The following CCDC186 variants were observed in gnomAD, a reference collection of about 807,000 sequenced individuals.
CCDC186 encodes coiled-coil domain containing 186.
In CCDC186, 49 loss-of-function variants were observed where a neutral mutation model predicts 113.7. The ratio of observed to expected loss-of-function variants is 0.43; its 90% CI spans 0.34 to 0.55. The LOEUF (loss-of-function observed/expected upper bound fraction) is 0.55. Among genes scored for constraint, CCDC186 ranks in the 20% least tolerant of loss-of-function variants. The pLI, the probability that CCDC186 is intolerant of heterozygous loss-of-function variation, is 0.02. For synonymous variants in CCDC186, 355 were observed against 345.8 expected (o/e 1.03, Z -0.30); for missense variants, 890 against 1,011.1 (o/e 0.88, Z 1.62).
chr10:114,144,126 AT>A (rs1328701238), intron 6 of CCDC186, among the ~76,000 whole-genome samples: 1 of 152,034 alleles, frequency 6.6e-6, no homozygotes, highest in Non-Finnish European at 1.5e-5. Flanking sequence ...TTACATTCAA[AT>A]TTGGAAACTT....
chr10:114,143,790 A>T (rs1267217032), intron 6 of CCDC186, among the ~76,000 whole-genome samples: 1 of 152,216 alleles, frequency 6.6e-6, no homozygotes, highest in African/African-American at 2.4e-5. Flanking sequence ...GAAAACCTGG[A>T]AACTGATATT....
intron 6 of CCDC186, among the ~76,000 whole-genome samples, chr10:114,141,628 A>C (rs753317685): frequency 3.3e-5 from 5 of 150,480 alleles, no homozygotes; most frequent in African/African-American, 4.9e-5. Context: ...TTCCTCTCTT[A>C]ACACACACAC....
At chr10:114,134,265 T>C (rs1249181997) in intron 10 of CCDC186, among the ~76,000 whole-genome samples, 2 of 152,116 alleles carry the variant, frequency 1.3e-5, no homozygotes, top group Non-Finnish European at 2.9e-5. Context: ...AAGAAAATGG[T>C]AGGGTTTAGA....
chr10:114,125,135 G>A lies in CCDC186; in HGVS notation c.*8C>T. The A allele has an allele frequency of 1.3e-6, 2 of 1,593,128 alleles. No individual in the cohort carries two copies. Among genetic ancestry groups the A allele is most frequent in the South Asian group, 1.1e-5 (1 of 89,164 alleles). On this transcript the variant is annotated 3_prime_UTR_variant, in exon 16 of 16. Coordinates refer to ENST00000369287, the MANE Select transcript of CCDC186 (RefSeq NM_018017.4). ...GCTTTTGTCTCTTTACTGAGCAAGA[G>A]GCTTGTTTTAGGTTTTCTTTGTCCT...
chr10:114,139,429 G>A (rs1046998780), intron 6 of CCDC186, among the ~76,000 whole-genome samples: 5 of 151,860 alleles, frequency 3.3e-5, no homozygotes, highest in African/African-American at 1.2e-4. Context: ...CGGGTGTGGT[G>A]GTGCATGCCT....
At chr10:114,129,638 TC>T in intron 13 of CCDC186, among the ~76,000 whole-genome samples, 1 of 152,250 alleles carries the variant, frequency 6.6e-6, no homozygotes, top group East Asian at 1.9e-4. Context: ...CAAGTGATTC[TC>T]GTGCCTCAGC....
chr10:114,131,655 C>T (rs2031091552), intron 11 of CCDC186, among the ~76,000 whole-genome samples: 1 of 152,018 alleles, frequency 6.6e-6, no homozygotes, highest in Non-Finnish European at 1.5e-5. Context: ...TTTAAAGTAC[C>T]TTTTAAAAAT....
At chr10:114,126,694 TG>T (rs1406823451) in intron 14 of CCDC186, among the ~76,000 whole-genome samples, 1 of 152,236 alleles carries the variant, frequency 6.6e-6, no homozygotes, top group Admixed American at 6.5e-5. Context: ...TAATATTTTC[TG>T]TTTTCCTCTT....
intron 4 of CCDC186, among the ~76,000 whole-genome samples, 161 bp from the exon 5 acceptor site, chr10:114,145,922 T>C (rs1371144458): frequency 6.6e-6 from 1 of 152,144 alleles, no homozygotes; most frequent in Non-Finnish European, 1.5e-5. Flanking sequence ...AAAGAAAAAA[T>C]TTAAAATTAT....
chr10:114,135,511 A>G (rs1347554690), intron 9 of CCDC186, among the ~76,000 whole-genome samples: 1 of 152,158 alleles, frequency 6.6e-6, no homozygotes, highest in Non-Finnish European at 1.5e-5. Flanking sequence ...GGCCATTAAA[A>G]CTATCCATCT....
chr10:114,134,410 T>C (rs1564906676), intron 10 of CCDC186, among the ~76,000 whole-genome samples: 1 of 152,200 alleles, frequency 6.6e-6, no homozygotes, highest in Non-Finnish European at 1.5e-5. Context: ...AGGATTTTTT[T>C]AGCAACACTC....
chr10:114,164,067 T>A (rs892530737), intron 1 of CCDC186, among the ~76,000 whole-genome samples: 7 of 100,154 alleles, frequency 7.0e-5, no homozygotes, highest in East Asian at 6.1e-4. Context: ...CAAGTTAGAG[T>A]GTGTGTGTGT....
At chr10:114,126,358 TTTTG>T (rs1477636546) in intron 14 of CCDC186, among the ~76,000 whole-genome samples, 2 of 152,190 alleles carry the variant, frequency 1.3e-5, no homozygotes, top group Non-Finnish European at 2.9e-5. Flanking sequence ...AGTTGAGCTT[TTTTG>T]TTTGTTTTTA....
At chr10:114,142,529 ATTTACTGTACT>A (rs2031502725) in intron 6 of CCDC186, among the ~76,000 whole-genome samples, 1 of 152,236 alleles carries the variant, frequency 6.6e-6, no homozygotes, top group African/African-American at 2.4e-5. Context: ...ATTCATCTTT[ATTTACTGTACT>A]CCAAATAAAA....
intron 3 of CCDC186, among the ~76,000 whole-genome samples, chr10:114,156,855 G>A (rs2032025899): frequency 6.6e-6 from 1 of 152,112 alleles, no homozygotes; most frequent in Non-Finnish European, 1.5e-5. Context: ...TACTGAGAAT[G>A]GAACCATACC....
intron 1 of CCDC186, chr10:114,173,034 G>A (rs2032555365): frequency 2.7e-5 from 8 of 297,292 alleles, no homozygotes; most frequent in South Asian, 2.3e-4. Flanking sequence ...TTGAAACCCT[G>A]ATTTACTGAA....
chr10:114,128,787 T>A (rs2030993928), intron 13 of CCDC186, among the ~76,000 whole-genome samples: 1 of 152,160 alleles, frequency 6.6e-6, no homozygotes, highest in African/African-American at 2.4e-5. Context: ...CTTTAGGACA[T>A]AGGTATATCA....
At chr10:114,130,123 T>C (rs1188307371) in intron 12 of CCDC186, 152 bp from the exon 13 acceptor site, 2 of 528,538 alleles carry the variant, frequency 3.8e-6, no homozygotes, top group Admixed American at 3.7e-5. Flanking sequence ...ATGTCATTCA[T>C]ATAAAATGTC....
rs1170142571 is a variant in CCDC186 at position 114,162,743 on chromosome 10, C to T, written c.526G>A (p.Ala176Thr). Residue 176 changes from alanine (A) to threonine (T), a missense_variant, in exon 2 of 16, where the codon GCA (alanine) becomes ACA (threonine). By Grantham distance (58) the Ala-to-Thr change is moderately conservative. Transcript: ENST00000369287. ...IESELLSTEFAEHRVPNGMNK... is the reference protein window; with the variant it reads ...IESELLSTEFTEHRVPNGMNK... ...ATTCCATTTGGTACTCGATGTTCTG[C>T]AAACTCCGTAGATAAGAGCTCAGAT... 1 of 1,613,828 alleles carries T rather than the reference C, an allele frequency of 6.2e-7. No individual in the cohort carries two copies. Among genetic ancestry groups the T allele is most frequent in the African/African-American group, 1.3e-5 (1 of 74,920 alleles).
Sources: gnomAD v4.1 joint callset for allele counts (sites outside exome capture counted in the v4.1 genomes callset) on GRCh38, gnomAD v4.1.1 for gene constraint, MANE v1.5 for transcripts, NCBI Gene and HGNC (gene_info 2026-07-23, HGNC 2026-07-21) for gene names.